Variants in PCDHA7 observed in about 807,000 individuals in gnomAD.
PCDHA7 encodes protocadherin alpha-7.
Under a neutral mutation model 57.2 loss-of-function variants are expected in PCDHA7, and 37 were observed. That is an observed-to-expected ratio of 0.65 (90% CI 0.50 to 0.85). The LOEUF (loss-of-function observed/expected upper bound fraction) is 0.85. Ranked by LOEUF, PCDHA7 falls within the 40% of genes least tolerant of loss-of-function variation. The pLI, the probability that PCDHA7 is intolerant of heterozygous loss-of-function variation, is 0.00. For missense variants in PCDHA7, 1,188 were observed against 1,241.8 expected, an observed-to-expected ratio of 0.96 and a Z score of 0.65; for synonymous variants, 553 against 558.8, an observed-to-expected ratio of 0.99 and a Z score of 0.15.
intron 1 of PCDHA7, chr5:140,928,429 T>A: frequency 6.2e-7 from 1 of 1,614,146 alleles, no homozygotes; most frequent in Non-Finnish European, 8.5e-7. Flanking sequence ...CAAAACTTCC[T>A]TTGACTTTGA....
intron 3 of PCDHA7, among the ~76,000 whole-genome samples, chr5:140,990,262 C>T (rs2097383201): frequency 6.6e-6 from 1 of 152,152 alleles, no homozygotes; most frequent in South Asian, 2.1e-4. Context: ...GGATACCAAA[C>T]AATGTACCCC....
intron 1 of PCDHA7, chr5:140,876,605 A>G: frequency 1.2e-6 from 2 of 1,614,060 alleles, no homozygotes; most frequent in South Asian, 1.1e-5. Flanking sequence ...TCGGATCGTG[A>G]CTCTGGAGCC....
chr5:140,963,021 G>A (rs2095729854), intron 1 of PCDHA7, among the ~76,000 whole-genome samples: 1 of 152,150 alleles, frequency 6.6e-6, no homozygotes, highest in Non-Finnish European at 1.5e-5. Flanking sequence ...AGAAAATGAA[G>A]CAATTAACAT....
intron 3 of PCDHA7, among the ~76,000 whole-genome samples, chr5:140,986,421 C>T (rs1554248030): frequency 6.6e-6 from 1 of 152,178 alleles, no homozygotes; most frequent in Non-Finnish European, 1.5e-5. Flanking sequence ...CTCTTTTTAA[C>T]TTCATGAGTA....
intron 3 of PCDHA7, among the ~76,000 whole-genome samples, chr5:140,997,109 G>A (rs1293025484): frequency 1.3e-5 from 2 of 152,022 alleles, no homozygotes; most frequent in Non-Finnish European, 2.9e-5. Flanking sequence ...ATGCACTCCT[G>A]CTCTCCCACA....
chr5:140,846,892 T>G (rs910093785), intron 1 of PCDHA7, among the ~76,000 whole-genome samples: 1 of 149,538 alleles, frequency 6.7e-6, no homozygotes, highest in Non-Finnish European at 1.5e-5. Flanking sequence ...AGAATGACGT[T>G]GAAGTTGAAA....
chr5:140,887,124 T>G (rs1554182893), intron 1 of PCDHA7, among the ~76,000 whole-genome samples: 2 of 151,068 alleles, frequency 1.3e-5, no homozygotes, highest in Admixed American at 6.6e-5. Flanking sequence ...TGAGACGGAG[T>G]CTCACTCTGT....
intron 1 of PCDHA7, among the ~76,000 whole-genome samples, chr5:140,895,936 G>A (rs1428112046): frequency 6.6e-6 from 1 of 151,984 alleles, no homozygotes; most frequent in Non-Finnish European, 1.5e-5. Context: ...TCAGCCTCCC[G>A]AGTAGCTGGG....
intron 1 of PCDHA7, chr5:140,842,887 G>A: frequency 6.3e-7 from 1 of 1,594,194 alleles, no homozygotes; most frequent in Non-Finnish European, 8.6e-7. Context: ...CGCTGCAGCC[G>A]CTGGACCACG....
intron 1 of PCDHA7, among the ~76,000 whole-genome samples, chr5:140,872,172 T>G (rs912989922): frequency 6.6e-6 from 1 of 152,230 alleles, no homozygotes; most frequent in Non-Finnish European, 1.5e-5. Flanking sequence ...TTTCTTTTTT[T>G]TTTTTACAGT....
At chr5:140,944,718 G>A (rs1554216523) in intron 1 of PCDHA7, among the ~76,000 whole-genome samples, 1 of 152,088 alleles carries the variant, frequency 6.6e-6, no homozygotes, top group East Asian at 1.9e-4. Flanking sequence ...TTTTGCCTTT[G>A]AACACCTTAG....
chr5:140,935,736 A>G (rs2090532745), intron 1 of PCDHA7, among the ~76,000 whole-genome samples: 1 of 152,190 alleles, frequency 6.6e-6, no homozygotes, highest in Admixed American at 6.5e-5. Flanking sequence ...TCTAGTATCT[A>G]TTATTCCATA....
At chr5:140,934,899 T>G (rs1320708660) in intron 1 of PCDHA7, among the ~76,000 whole-genome samples, 2 of 152,184 alleles carry the variant, frequency 1.3e-5, no homozygotes, top group Non-Finnish European at 2.9e-5. Flanking sequence ...AACCTTTTAT[T>G]TTGGAATAAT....
chr5:140,911,626 T>C (rs1436086231), intron 1 of PCDHA7, among the ~76,000 whole-genome samples: 5 of 152,180 alleles, frequency 3.3e-5, no homozygotes, highest in African/African-American at 1.2e-4. Context: ...TCCCCACATA[T>C]GGTCAAAGGT....
intron 1 of PCDHA7, among the ~76,000 whole-genome samples, chr5:140,838,110 GTGTGT>G (rs1775541794): frequency 6.7e-6 from 1 of 149,788 alleles, no homozygotes; most frequent in Admixed American, 6.7e-5. Flanking sequence ...GTGTGTGTGT[GTGTGT>G]GTGTGTGTGT....
intron 1 of PCDHA7, among the ~76,000 whole-genome samples, chr5:140,893,595 T>C (rs13187419): frequency 0.05 from 7,691 of 152,298 alleles, 276 homozygotes; most frequent in Non-Finnish European, 0.072. Context: ...GGAAATACTT[T>C]ATTTCTCCTT....
intron 1 of PCDHA7, chr5:140,928,720 A>G (rs2085475122): frequency 6.2e-7 from 1 of 1,614,076 alleles, no homozygotes. Flanking sequence ...TAGTCTCTTT[A>G]GAATTTCAGC....
chr5:140,980,487 G>C (rs2096891705), intron 2 of PCDHA7, among the ~76,000 whole-genome samples: 1 of 152,124 alleles, frequency 6.6e-6, no homozygotes, highest in African/African-American at 2.4e-5. Flanking sequence ...AAAATTAGCT[G>C]GGCGTGATGG....
At chr5:140,951,234 C>A (rs1003242029) in intron 1 of PCDHA7, among the ~76,000 whole-genome samples, 2 of 152,028 alleles carry the variant, frequency 1.3e-5, no homozygotes. Flanking sequence ...ATGGTCTTTA[C>A]CTTTAGGAAT....
Sources: allele counts gnomAD v4.1 joint callset (sites outside exome capture counted in the v4.1 genomes callset), GRCh38; gene constraint gnomAD v4.1.1; transcripts MANE v1.5; gene names NCBI Gene and HGNC (gene_info 2026-07-23, HGNC 2026-07-21).